Variants in LHFPL6 observed in about 807,000 individuals in gnomAD.
LHFPL6 encodes LHFPL tetraspan subfamily member 6 protein.
In LHFPL6, 9 loss-of-function variants were observed where a neutral mutation model predicts 20.6. The ratio of observed to expected loss-of-function variants is 0.44; its 90% CI spans 0.26 to 0.76. LHFPL6 has a LOEUF of 0.76. Ranked by LOEUF, LHFPL6 falls within the 30% of genes least tolerant of loss-of-function variation. LHFPL6 has a pLI of 0.20. For missense variants in LHFPL6, 218 were observed against 253.5 expected, an observed-to-expected ratio of 0.86 and a Z score of 0.95; for synonymous variants, 105 against 98.7, an observed-to-expected ratio of 1.06 and a Z score of -0.38.
At chr13:39,417,625 C>T (rs1366370556) in intron 2 of LHFPL6, among the ~76,000 whole-genome samples, 1 of 152,118 alleles carries the variant, frequency 6.6e-6, no homozygotes, top group Non-Finnish European at 1.5e-5. Context: ...AACCATTCTC[C>T]ACGGACCTCA....
chr13:39,420,519 A>G (rs116797529), intron 2 of LHFPL6, among the ~76,000 whole-genome samples: 2,791 of 152,338 alleles, frequency 0.018, 82 homozygotes, highest in African/African-American at 0.063. Context: ...TTTAAAATAC[A>G]TGAGTATAAC....
At chr13:39,372,351 A>T (rs1870185899) in intron 3 of LHFPL6, among the ~76,000 whole-genome samples, 1 of 148,808 alleles carries the variant, frequency 6.7e-6, no homozygotes, top group Non-Finnish European at 1.5e-5. Context: ...AGTACAAAAC[A>T]AAAATACTTT....
intron 3 of LHFPL6, among the ~76,000 whole-genome samples, chr13:39,371,372 T>C (rs1388573688): frequency 6.6e-6 from 1 of 152,214 alleles, no homozygotes; most frequent in African/African-American, 2.4e-5. Flanking sequence ...GATAACCTGA[T>C]TATAAAGCCC....
chr13:39,445,328 A>G (rs1872258173), intron 2 of LHFPL6, among the ~76,000 whole-genome samples: 1 of 152,204 alleles, frequency 6.6e-6, no homozygotes, highest in African/African-American at 2.4e-5. Context: ...AAAGAACATG[A>G]ATTTGGGGCT....
intron 2 of LHFPL6, among the ~76,000 whole-genome samples, chr13:39,395,726 T>C (rs1181962454): frequency 6.6e-6 from 1 of 152,172 alleles, no homozygotes. Context: ...TTTCCCACTT[T>C]CCCAGTCTTT....
At chr13:39,562,491 C>CAT (rs1256535875) in intron 2 of LHFPL6, among the ~76,000 whole-genome samples, 12 of 128,702 alleles carry the variant, frequency 9.3e-5, no homozygotes, top group East Asian at 6.9e-4. Context: ...CATATATACA[C>CAT]ATATACATAT....
At chr13:39,380,950 G>A in intron 2 of LHFPL6, among the ~76,000 whole-genome samples, 1 of 152,034 alleles carries the variant, frequency 6.6e-6, no homozygotes. Context: ...AATAGGCCCA[G>A]GGCTCTCACT....
At chr13:39,547,408 T>C (rs1340526031) in intron 2 of LHFPL6, among the ~76,000 whole-genome samples, 1 of 152,124 alleles carries the variant, frequency 6.6e-6, no homozygotes, top group Non-Finnish European at 1.5e-5. Context: ...TTGCTGAACC[T>C]TTTAATCCAC....
chr13:39,580,221 G>C (rs1872238816), intron 2 of LHFPL6, among the ~76,000 whole-genome samples: 1 of 151,862 alleles, frequency 6.6e-6, no homozygotes, highest in Non-Finnish European at 1.5e-5. Context: ...TCTCACAGAA[G>C]GGACAGATGA....
chr13:39,393,539 C>G (rs1870764065), intron 2 of LHFPL6, among the ~76,000 whole-genome samples: 1 of 151,954 alleles, frequency 6.6e-6, no homozygotes, highest in Admixed American at 6.6e-5. Context: ...TGGGGAGGCA[C>G]AAAATGAAAA....
chr13:39,584,316 C>G (rs1310046596), intron 2 of LHFPL6, among the ~76,000 whole-genome samples: 1 of 151,972 alleles, frequency 6.6e-6, no homozygotes, highest in Non-Finnish European at 1.5e-5. Context: ...CTGAGGCAGG[C>G]AGATCACCTG....
At chr13:39,388,752 G>T (rs1421966980) in intron 2 of LHFPL6, among the ~76,000 whole-genome samples, 1 of 152,168 alleles carries the variant, frequency 6.6e-6, no homozygotes, top group East Asian at 1.9e-4. Flanking sequence ...CAGGGCAGAT[G>T]ATACTGTGTG....
intron 2 of LHFPL6, among the ~76,000 whole-genome samples, chr13:39,406,552 C>T (rs1294064284): frequency 1.3e-5 from 2 of 152,032 alleles, no homozygotes; most frequent in African/African-American, 4.8e-5. Context: ...GTAAATGCAA[C>T]AAATTAAAGT....
At chr13:39,586,571 A>C (rs778912415) in intron 2 of LHFPL6, among the ~76,000 whole-genome samples, 3 of 152,222 alleles carry the variant, frequency 2.0e-5, no homozygotes, top group Non-Finnish European at 2.9e-5. Flanking sequence ...ATATAAACAG[A>C]GATATAAAAT....
intron 2 of LHFPL6, among the ~76,000 whole-genome samples, chr13:39,592,518 T>C (rs1266459073): frequency 6.6e-6 from 1 of 152,178 alleles, no homozygotes; most frequent in Non-Finnish European, 1.5e-5. Context: ...ACCAGATGGA[T>C]GCACAGCCGA....
chr13:39,591,786 C>T (rs1453058113), intron 2 of LHFPL6, among the ~76,000 whole-genome samples: 1 of 152,072 alleles, frequency 6.6e-6, no homozygotes, highest in Non-Finnish European at 1.5e-5. Flanking sequence ...TTTAAGCCTA[C>T]TAGAAAGCTA....
intron 3 of LHFPL6, among the ~76,000 whole-genome samples, chr13:39,353,464 T>C (rs906295362): frequency 4.6e-5 from 7 of 151,784 alleles, no homozygotes; most frequent in African/African-American, 1.2e-4. Context: ...CGGTGGCTCA[T>C]GCCTGTAATC....
At chr13:39,496,062 A>T (rs1869091452) in intron 2 of LHFPL6, among the ~76,000 whole-genome samples, 1 of 152,160 alleles carries the variant, frequency 6.6e-6, no homozygotes, top group Non-Finnish European at 1.5e-5. Flanking sequence ...TCTATGGAAA[A>T]GGGAGATTAG....
intron 2 of LHFPL6, among the ~76,000 whole-genome samples, chr13:39,515,514 G>A (rs758079605): frequency 3.9e-5 from 6 of 152,152 alleles, no homozygotes; most frequent in African/African-American, 1.2e-4. Context: ...AAAGGCTGTC[G>A]CCTTTCTCCT....
Sources: allele counts gnomAD v4.1 joint callset (sites outside exome capture counted in the v4.1 genomes callset), GRCh38; gene constraint gnomAD v4.1.1; transcripts MANE v1.5; gene names NCBI Gene and HGNC (gene_info 2026-07-23, HGNC 2026-07-21).